MGAT4A: variants seen among roughly 807,000 people sequenced by gnomAD.
The protein encoded by MGAT4A is N-acetylglucosaminyltransferase IVa.
In MGAT4A, 33 loss-of-function variants were observed where a neutral mutation model predicts 74.1. The ratio of observed to expected loss-of-function variants is 0.45; its 90% CI spans 0.34 to 0.60. MGAT4A has a LOEUF of 0.60. MGAT4A is among the 20% of genes least tolerant of loss of function. The probability of loss-of-function intolerance (pLI) is 0.02; values close to 1 mark genes in which losing one functional copy is unlikely to be tolerated. For missense variants in MGAT4A, 479 were observed against 628.3 expected, an observed-to-expected ratio of 0.76 and a Z score of 2.54; for synonymous variants, 198 against 210.4, an observed-to-expected ratio of 0.94 and a Z score of 0.51.
chr2:98,730,945 A>G (rs1702845777), intron 1 of MGAT4A, 103 bp downstream of exon 1: 1 of 144,920 alleles, frequency 6.9e-6, no homozygotes, highest in South Asian at 1.8e-4. Context: ...CGGGGCCGCC[A>G]GCCCGGCCGC....
intron 1 of MGAT4A, among the ~76,000 whole-genome samples, chr2:98,728,710 C>A (rs922060574): frequency 6.6e-6 from 1 of 151,238 alleles, no homozygotes; most frequent in Non-Finnish European, 1.5e-5. Context: ...GATCACACCA[C>A]TGCACTCCAG....
intron 7 of MGAT4A, 21 bp from the exon 8 acceptor site, chr2:98,655,541 A>G (rs1375620776): frequency 6.5e-7 from 1 of 1,549,390 alleles, no homozygotes; most frequent in Non-Finnish European, 8.9e-7. Context: ...CATTTTCAAA[A>G]AGTAAGTTAG....
chr2:98,634,921 CT>C (rs1347595671), intron 14 of MGAT4A, among the ~76,000 whole-genome samples: 7 of 151,866 alleles, frequency 4.6e-5, no homozygotes, highest in Admixed American at 4.6e-4. Flanking sequence ...TCAATGTGAG[CT>C]GAGGCTGGAG....
intron 2 of MGAT4A, among the ~76,000 whole-genome samples, chr2:98,714,672 G>T (rs1255876007): frequency 1.3e-5 from 2 of 152,120 alleles, no homozygotes; most frequent in East Asian, 3.9e-4. Context: ...TTCCAGGACA[G>T]GGGTAGAGAA....
chr2:98,637,835 C>A (rs1049546110), intron 12 of MGAT4A, among the ~76,000 whole-genome samples: 1 of 152,288 alleles, frequency 6.6e-6, no homozygotes, highest in African/African-American at 2.4e-5. Context: ...GGAGAACTGA[C>A]AAAAAGTCCC....
At chr2:98,730,424 G>T (rs1050671816) in intron 1 of MGAT4A, among the ~76,000 whole-genome samples, 1 of 152,152 alleles carries the variant, frequency 6.6e-6, no homozygotes, top group Non-Finnish European at 1.5e-5. Flanking sequence ...GGGAAACGGG[G>T]GCTGCTCTTT....
At position 98,619,319 on chromosome 2, in the gene MGAT4A, C is replaced by T. The variant is rs763150313; in HGVS notation, c.*6247G>A. Reference sequence around the variant, plus strand: ...CCAACAAGTACCTAAAATATTACTACGGATAGGAATCATTCAGCCAATGAA... The same window carrying T: ...CCAACAAGTACCTAAAATATTACTATGGATAGGAATCATTCAGCCAATGAA... On this transcript the variant is annotated 3_prime_UTR_variant, in exon 16 of 16. Transcript: ENST00000393487. 2.6e-5 allele frequency: 4 copies of T among 152,138 alleles called. No individual in the cohort carries two copies. Among genetic ancestry groups the T allele is most frequent in the South Asian group, 2.1e-4 (1 of 4,806 alleles). The allele number at this position is 152,138 out of a possible 1,614,324, so 9.4% of individuals were successfully genotyped here.
chr2:98,641,710 T>A (rs1034908967), intron 10 of MGAT4A, among the ~76,000 whole-genome samples: 7 of 149,084 alleles, frequency 4.7e-5, no homozygotes, highest in Non-Finnish European at 1.0e-4. Flanking sequence ...ATACAAAAAT[T>A]AGCAGCCGGC....
intron 2 of MGAT4A, among the ~76,000 whole-genome samples, chr2:98,722,212 A>T (rs1575285161): frequency 6.6e-6 from 1 of 152,252 alleles, no homozygotes; most frequent in East Asian, 1.9e-4. Context: ...TGTTTATAGC[A>T]GCATTATTCA....
chr2:98,698,151 A>G (rs945878009), intron 2 of MGAT4A, among the ~76,000 whole-genome samples: 1 of 152,178 alleles, frequency 6.6e-6, no homozygotes, highest in Non-Finnish European at 1.5e-5. Flanking sequence ...GCTCATGCCT[A>G]TAAAAAAATT....
At chr2:98,721,502 T>TA (rs1161237267) in intron 2 of MGAT4A, among the ~76,000 whole-genome samples, 1 of 152,048 alleles carries the variant, frequency 6.6e-6, no homozygotes, top group African/African-American at 2.4e-5. Context: ...TTGCCAGTAA[T>TA]AGCACAGAGG....
At position 98,619,220 on chromosome 2, in the gene MGAT4A, C is replaced by T. The variant is rs916543909; in HGVS notation, c.*6346G>A. The T allele has an allele frequency of 7.9e-5, 12 of 152,474 alleles. No homozygotes were observed. The highest frequency in any genetic ancestry group is 7.4e-5 in the Non-Finnish European group (5 of 68,010). 9.4% of individuals were successfully genotyped at this position (152,474 alleles called of 1,614,324 possible). A position where few individuals can be genotyped will look rare whatever the true frequency, so the allele number is the denominator to read the frequency against. ...GCACAGAGAAACAGTGATGAAGGCACAATCAACAGGACCAGTTACTAGGTT... is the reference window on the plus strand; with the variant it reads ...GCACAGAGAAACAGTGATGAAGGCATAATCAACAGGACCAGTTACTAGGTT... On this transcript the variant is annotated 3_prime_UTR_variant, in exon 16 of 16. Coordinates refer to ENST00000393487, the MANE Select transcript of MGAT4A (RefSeq NM_012214.3).
chr2:98,639,336 C>T lies in MGAT4A; in HGVS notation c.1322+472G>A, dbSNP rs533424100. On this transcript the variant is annotated intron_variant, in intron 12 of 15. Transcript: ENST00000393487. ...ATTTTGTAAAATGAACATAAATGCT[C>T]AAAAACATAAAATGGCTGTAAATTT... Among the ~76,000 whole-genome samples, 5 of 151,580 alleles carry T rather than the reference C, an allele frequency of 3.3e-5. No homozygotes were observed. The East Asian group carries it at 9.7e-4, about 29-fold the overall frequency.
At chr2:98,646,380 G>A (rs527940296) in intron 8 of MGAT4A, among the ~76,000 whole-genome samples, 2 of 152,120 alleles carry the variant, frequency 1.3e-5, no homozygotes, top group South Asian at 2.1e-4. Context: ...TAGGAAATGC[G>A]CAAGATGTGC....
chr2:98,640,290 G>A, intron 10 of MGAT4A, 62 bp from the exon 11 acceptor site: 2 of 1,316,230 alleles, frequency 1.5e-6, no homozygotes, highest in South Asian at 2.5e-5. Flanking sequence ...CCCTCACCTG[G>A]AAAATGAGAA....
At chr2:98,713,134 C>T (rs889271839) in intron 2 of MGAT4A, among the ~76,000 whole-genome samples, 2 of 139,238 alleles carry the variant, frequency 1.4e-5, no homozygotes, top group East Asian at 4.2e-4. Context: ...TGCAGTGGGC[C>T]GAGATCACAC....
chr2:98,693,309 AG>A (rs1702218656), intron 2 of MGAT4A, among the ~76,000 whole-genome samples: 1 of 152,210 alleles, frequency 6.6e-6, no homozygotes. Context: ...GAATGGCTAA[AG>A]GAAGTTCTTA....
intron 5 of MGAT4A, among the ~76,000 whole-genome samples, chr2:98,661,193 T>C (rs1701744231): frequency 1.3e-5 from 2 of 152,102 alleles, no homozygotes; most frequent in Non-Finnish European, 2.9e-5. Context: ...GAAATGCAAA[T>C]TAAAACCACA....
In MGAT4A at chr2:98,623,009, C is replaced by A. The variant is rs975660977; in HGVS notation, c.*2557G>T. Reference sequence around the variant, plus strand: ...CTCCAGCCTGGGCAACAAAGCGAGACCCTGTCTCAAAAATAATACAAAATG... The same window carrying A: ...CTCCAGCCTGGGCAACAAAGCGAGAACCTGTCTCAAAAATAATACAAAATG... On this transcript the variant is annotated 3_prime_UTR_variant, in exon 16 of 16. Coordinates refer to ENST00000393487, the MANE Select transcript of MGAT4A (RefSeq NM_012214.3). 4.1e-6 allele frequency: 4 copies of A among 985,186 alleles called. No homozygotes were observed. Among genetic ancestry groups the A allele is most frequent in the Non-Finnish European group, 2.4e-6 (2 of 829,788 alleles). 61.0% of individuals were successfully genotyped at this position (985,186 alleles called of 1,614,324 possible). A position where few individuals can be genotyped will look rare whatever the true frequency, so the allele number is the denominator to read the frequency against.
Sources: allele counts gnomAD v4.1 joint callset (sites outside exome capture counted in the v4.1 genomes callset), GRCh38; gene constraint gnomAD v4.1.1; transcripts MANE v1.5; gene names NCBI Gene and HGNC (gene_info 2026-07-23, HGNC 2026-07-21).